ABL1: variants seen among roughly 807,000 people sequenced by gnomAD.
ABL1 encodes the protein tyrosine-protein kinase ABL1.
ABL1 carries 11 observed loss-of-function variants against 94.7 expected under a neutral mutation model. The ratio of observed to expected loss-of-function variants is 0.12; its 90% CI spans 0.07 to 0.19. The LOEUF is 0.19. ABL1 is among the 10% of genes least tolerant of loss of function. ABL1 has a pLI of 1.00. For missense variants in ABL1, 1,082 were observed against 1,489.4 expected (o/e 0.73, Z 4.50); for synonymous variants, 656 against 622.4 (o/e 1.05, Z -0.80).
chr9:130,854,650 C>A, intron 2 of ABL1, 151 bp from the exon 3 acceptor site: 1 of 831,834 alleles, frequency 1.2e-6, no homozygotes, highest in Non-Finnish European at 1.9e-6. Flanking sequence ...AATTCTCATA[C>A]ACTTATAAAT....
intron 1 of ABL1, among the ~76,000 whole-genome samples, chr9:130,853,337 G>A (rs1353656876): frequency 1.3e-5 from 2 of 151,358 alleles, no homozygotes; most frequent in Non-Finnish European, 2.9e-5. Flanking sequence ...CACCATGCCC[G>A]GCTGATTTTT....
Position 130,835,624 on chromosome 9 carries a change from C to T in ABL1, c.79+99C>T, listed in dbSNP as rs569547863. 47 of 904,824 alleles carry T rather than the reference C, an allele frequency of 5.2e-5. No homozygotes were observed. In the Admixed American group the frequency reaches 8.5e-4, roughly 16 times the overall value. 56.0% of individuals were successfully genotyped at this position (904,824 alleles called of 1,614,324 possible). ...CGCCGCCCGCGCGCTCCCGCCTGCG[C>T]CCTCCCCGGGTCTTGTCTTTTTTTT... On this transcript the variant is annotated intron_variant, in intron 1 of 10. Coordinates refer to ENST00000318560, the MANE Select transcript of ABL1 (RefSeq NM_005157.6). This position sits in a 1 kb window ranked among gnomAD's most constrained non-coding sequence, Gnocchi z 4.6.
At chr9:130,734,574 T>C (rs1355192489) in intron 1 of ABL1, among the ~76,000 whole-genome samples, 2 of 145,822 alleles carry the variant, frequency 1.4e-5, no homozygotes, top group East Asian at 2.0e-4. Flanking sequence ...CAGGCTGGAG[T>C]GCACTGGCAT....
At chr9:130,739,304 CA>C (rs1831785230) in intron 1 of ABL1, among the ~76,000 whole-genome samples, 1 of 151,796 alleles carries the variant, frequency 6.6e-6, no homozygotes, top group African/African-American at 2.4e-5. Context: ...TAGTTCGTAG[CA>C]TCCTCAGCAC....
At chr9:130,757,118 G>T (rs574928846) in intron 1 of ABL1, among the ~76,000 whole-genome samples, 1 of 152,318 alleles carries the variant, frequency 6.6e-6, no homozygotes, top group Non-Finnish European at 1.5e-5. Context: ...CCTGAGGCCG[G>T]CTGTGTTCAT....
chr9:130,808,015 T>G lies in ABL1; in HGVS notation c.137-46049T>G, dbSNP rs74819585. The stretch of plus-strand genomic sequence containing the variant: ...TGCCTGCCCTCCCTTAATTATAATT[T>G]AAAAAATTTTTGCAGATGTAGATTT... On this transcript the variant is annotated intron_variant, in intron 1 of 10. Transcript: ENST00000372348. Among the ~76,000 whole-genome samples, 100 of 150,556 alleles carry G rather than the reference T, an allele frequency of 6.6e-4. No homozygotes were observed. In the East Asian group the frequency reaches 0.019, roughly 28 times the overall value.
chr9:130,857,596 T>C (rs1277155885), intron 3 of ABL1, among the ~76,000 whole-genome samples: 1 of 152,156 alleles, frequency 6.6e-6, no homozygotes, highest in Non-Finnish European at 1.5e-5. Context: ...TACCATGTTG[T>C]GGTATCTGAT....
chr9:130,735,955 A>ATTTTTTTT (rs1365601952), intron 1 of ABL1, among the ~76,000 whole-genome samples: 2 of 41,482 alleles, frequency 4.8e-5, no homozygotes, highest in African/African-American at 3.1e-4. Context: ...ATATATATAT[A>ATTTTTTTT]TATATATTTT....
At chr9:130,804,288 G>A (rs999560119) in intron 1 of ABL1, among the ~76,000 whole-genome samples, 1 of 139,760 alleles carries the variant, frequency 7.2e-6, no homozygotes, top group Non-Finnish European at 1.5e-5. Flanking sequence ...GAACCCAGGA[G>A]GCGGATCTCG....
intron 1 of ABL1, among the ~76,000 whole-genome samples, chr9:130,798,707 G>A (rs553615271): frequency 3.9e-5 from 6 of 152,190 alleles, no homozygotes; most frequent in East Asian, 1.9e-4. Flanking sequence ...GGTGACTCAC[G>A]CCTGTAATCC....
intron 3 of ABL1, among the ~76,000 whole-genome samples, chr9:130,857,638 T>C (rs1402007695): frequency 6.6e-6 from 1 of 152,114 alleles, no homozygotes; most frequent in Non-Finnish European, 1.5e-5. Flanking sequence ...TTTAACTTTT[T>C]TTTTTTTTGG....
intron 1 of ABL1, among the ~76,000 whole-genome samples, chr9:130,849,268 A>G (rs187238413): frequency 1.3e-5 from 2 of 152,322 alleles, no homozygotes; most frequent in East Asian, 3.9e-4. Context: ...TATAGAAATA[A>G]TTGTGTTGAT....
At position 130,880,244 on chromosome 9, in the gene ABL1, G is replaced by A. The variant is rs2133023075; in HGVS notation, c.1513+87G>A. 1 of 1,427,968 alleles carries A rather than the reference G, an allele frequency of 7.0e-7. No homozygotes were observed. The highest frequency in any genetic ancestry group is 2.3e-5 in the East Asian group (1 of 44,042). 88.5% of individuals were successfully genotyped at this position (1,427,968 alleles called of 1,614,324 possible). ...CCTGGGTCATTCGGTTCACTTCCTG[G>A]TGAAAGTTCACAGACCAGCCTGTCC... On this transcript the variant is annotated intron_variant, in intron 9 of 10. Transcript: ENST00000318560. The surrounding 1 kb of genome is among the most constrained non-coding windows in gnomAD (Gnocchi z 4.4).
chr9:130,807,127 G>A (rs1830135759), intron 1 of ABL1, among the ~76,000 whole-genome samples: 1 of 152,090 alleles, frequency 6.6e-6, no homozygotes, highest in South Asian at 2.1e-4. Context: ...TCCAGCTGGG[G>A]CGACAGAGTG....
chr9:130,784,245 T>A (rs1487317518), intron 1 of ABL1, among the ~76,000 whole-genome samples: 1 of 152,230 alleles, frequency 6.6e-6, no homozygotes, highest in African/African-American at 2.4e-5. Context: ...AGAAGTATAA[T>A]ATTCTACGAA....
At chr9:130,823,248 A>G (rs1051467100) in intron 1 of ABL1, among the ~76,000 whole-genome samples, 3 of 152,182 alleles carry the variant, frequency 2.0e-5, no homozygotes, top group Admixed American at 6.5e-5. Context: ...ACTGGGCTGC[A>G]TGTTTCACGG....
At chr9:130,799,184 T>C (rs982990973) in intron 1 of ABL1, among the ~76,000 whole-genome samples, 4 of 152,168 alleles carry the variant, frequency 2.6e-5, no homozygotes, top group Non-Finnish European at 5.9e-5. Flanking sequence ...CGCCAGTATT[T>C]GGAGCAGCGT....
At chr9:130,779,105 C>T (rs1024450095) in intron 1 of ABL1, among the ~76,000 whole-genome samples, 1 of 152,154 alleles carries the variant, frequency 6.6e-6, no homozygotes, top group African/African-American at 2.4e-5. Context: ...TAAAGAATGT[C>T]GTCTTAGAAT....
chr9:130,815,613 G>C (rs1830274714), intron 1 of ABL1, among the ~76,000 whole-genome samples: 1 of 152,106 alleles, frequency 6.6e-6, no homozygotes, highest in African/African-American at 2.4e-5. Context: ...CCCTGCTTCT[G>C]CTGGTATTTC....
Sources: gnomAD v4.1 joint callset for allele counts (sites outside exome capture counted in the v4.1 genomes callset) on GRCh38, gnomAD v4.1.1 for gene constraint, Gnocchi (gnomAD v3.1) non-coding constraint, MANE v1.5 for transcripts, NCBI Gene and HGNC (gene_info 2026-07-23, HGNC 2026-07-21) for gene names.